Variants in REEP5 observed in about 807,000 individuals in gnomAD.
REEP5 encodes receptor expression-enhancing protein 5.
Under a neutral mutation model 22.4 loss-of-function variants are expected in REEP5, and 24 were observed. The ratio of observed to expected loss-of-function variants is 1.07; its 90% confidence interval spans 0.78 to 1.51. The LOEUF (loss-of-function observed/expected upper bound fraction) is 1.51, where lower values mean the gene tolerates loss of function less well. Among genes scored for constraint, REEP5 ranks in the 40% most tolerant of loss-of-function variants. REEP5 has a pLI of 0.00. For synonymous variants in REEP5, 103 were observed against 88.6 expected, an observed-to-expected ratio of 1.16 and a Z score of -0.92; for missense variants, 252 against 233.0, an observed-to-expected ratio of 1.08 and a Z score of -0.53.
chr5:112,895,037 G>C (rs1768636040), intron 3 of REEP5: 1 of 151,384 alleles, frequency 6.6e-6, no homozygotes, highest in African/African-American at 2.4e-5. Flanking sequence ...AGGAGTTCGA[G>C]ACCATCCTGG....
In REEP5 at chr5:112,902,861, C is replaced by T. The variant is rs114708147; in HGVS notation, c.213-343G>A. ...TCCACTCCCAAGCTGGGTCCTGCCACGAGGGATATATCAGGAAGAATTCTC... is the reference window on the plus strand; with the variant it reads ...TCCACTCCCAAGCTGGGTCCTGCCATGAGGGATATATCAGGAAGAATTCTC... On this transcript the variant is annotated intron_variant, in intron 2 of 4. Transcript: ENST00000379638. Among the ~76,000 whole-genome samples, 483 of 152,246 alleles carry T rather than the reference C, an allele frequency of 3.2e-3. 9 individuals carry two copies. Among genetic ancestry groups the T allele is most frequent in the African/African-American group, 0.011 (442 of 41,548 alleles).
intron 2 of REEP5, among the ~76,000 whole-genome samples, chr5:112,908,864 ATTT>A (rs397974052): frequency 7.0e-6 from 1 of 142,274 alleles, no homozygotes; most frequent in Admixed American, 7.0e-5. Context: ...CCAGCTAATG[ATTT>A]TTTTTTTTTT....
Position 112,919,189 on chromosome 5 carries a change from A to G in REEP5, c.212+1974T>C, listed in dbSNP as rs139655600. Among the ~76,000 whole-genome samples the G allele has an allele frequency of 2.0e-5, 3 of 152,308 alleles. No homozygotes were observed. The East Asian group carries it at 5.8e-4, about 29-fold the overall frequency. On this transcript the variant is annotated intron_variant, in intron 2 of 4. Transcript: ENST00000379638. ...TGAATGTTGTGTTCCCCCAACATCC[A>G]TATGTTGGGACCTAATACCCAATGT...
chr5:112,911,784 A>G (rs1033397531), intron 2 of REEP5, among the ~76,000 whole-genome samples: 1 of 152,246 alleles, frequency 6.6e-6, no homozygotes, highest in Non-Finnish European at 1.5e-5. Flanking sequence ...AGTACAGAAG[A>G]AAACCACTAG....
Position 112,876,552 on chromosome 5 carries a change from T to A in REEP5, c.*2234A>T, listed in dbSNP as rs1425306098. 6.6e-6 allele frequency: 1 copy of A among 152,198 alleles called. No homozygotes were observed. The highest frequency in any genetic ancestry group is 2.4e-5 in the African/African-American group (1 of 41,458). 9.4% of individuals were successfully genotyped at this position (152,198 alleles called of 1,614,324 possible). A position where few individuals can be genotyped will look rare whatever the true frequency, so the allele number is the denominator to read the frequency against. Reference sequence around the variant, plus strand: ...GATCCAAATGATTGAAGCCTTCAGGTAAGGGAATAACTGCTGCAGGAATTC... The same window carrying A: ...GATCCAAATGATTGAAGCCTTCAGGAAAGGGAATAACTGCTGCAGGAATTC... On this transcript the variant is annotated 3_prime_UTR_variant, in exon 5 of 5. Coordinates refer to ENST00000379638, the MANE Select transcript of REEP5 (RefSeq NM_005669.5).
At chr5:112,909,589 C>G (rs1206011000) in intron 2 of REEP5, among the ~76,000 whole-genome samples, 3 of 152,084 alleles carry the variant, frequency 2.0e-5, no homozygotes, top group African/African-American at 7.2e-5. Context: ...GAAATTTGAA[C>G]ATTGCTGAAA....
chr5:112,903,977 A>C (rs2150044667), intron 2 of REEP5, among the ~76,000 whole-genome samples: 1 of 152,274 alleles, frequency 6.6e-6, no homozygotes, highest in African/African-American at 2.4e-5. Context: ...TACTACAGGT[A>C]CACACCACCA....
chr5:112,914,272 CAG>C (rs1431158612), intron 2 of REEP5, among the ~76,000 whole-genome samples: 1 of 150,614 alleles, frequency 6.6e-6, no homozygotes, highest in South Asian at 2.1e-4. Context: ...TTTTTTGAGA[CAG>C]GGTCTCACTC....
At chr5:112,894,190 G>C (rs1203796804) in intron 3 of REEP5, 2 of 150,264 alleles carry the variant, frequency 1.3e-5, no homozygotes, top group Non-Finnish European at 2.9e-5. Context: ...GGCGTGATCA[G>C]CTCACTGCAA....
At chr5:112,907,307 C>T (rs548181942) in intron 2 of REEP5, among the ~76,000 whole-genome samples, 32 of 152,188 alleles carry the variant, frequency 2.1e-4, no homozygotes, top group Non-Finnish European at 3.8e-4. Context: ...TCAGAACTAA[C>T]ACACCCACAT....
intron 3 of REEP5, chr5:112,893,426 G>A (rs1768567967): frequency 5.6e-6 from 1 of 178,048 alleles, no homozygotes; most frequent in Non-Finnish European, 1.2e-5. Flanking sequence ...TAGAATTTTT[G>A]GACTAGTGGA....
At chr5:112,902,247 C>T in intron 3 of REEP5, 133 bp downstream of exon 3, 2 of 951,160 alleles carry the variant, frequency 2.1e-6, no homozygotes, top group South Asian at 2.5e-5. Context: ...CAGAGTCTCG[C>T]TCTGTTGCCC....
intron 2 of REEP5, among the ~76,000 whole-genome samples, chr5:112,912,236 C>G (rs10447234): frequency 0.066 from 10,072 of 152,172 alleles, 397 homozygotes; most frequent in South Asian, 0.14. Context: ...CTACTCACAC[C>G]TAAGACACAT....
intron 2 of REEP5, among the ~76,000 whole-genome samples, chr5:112,910,970 C>T (rs1296059358): frequency 6.6e-6 from 1 of 152,188 alleles, no homozygotes; most frequent in Non-Finnish European, 1.5e-5. Context: ...TTGCTAGATA[C>T]TGACTTTCTT....
Position 112,887,146 on chromosome 5 carries a change from G to A in REEP5, c.389C>T (p.Ser130Phe), listed in dbSNP as rs1176964852. Reference protein sequence around the residue: ...FLLWCMAPSPSNGAELLYKRI... With the variant: ...FLLWCMAPSPFNGAELLYKRI... Reference sequence around the variant, plus strand: ...CTTGTAGAGCAGTTCAGCCCCATTAGAAGGGCTCGGGGCCATGCACCACAA... The same window carrying A: ...CTTGTAGAGCAGTTCAGCCCCATTAAAAGGGCTCGGGGCCATGCACCACAA... The change falls in exon 4 of 5, where the codon TCT (serine) becomes TTT (phenylalanine). Residue 130 changes from serine to phenylalanine, a missense_variant. Physicochemically the swap from Ser to Phe is radical, Grantham distance 155. Transcript: ENST00000379638. 1.9e-6 allele frequency: 3 copies of A among 1,611,470 alleles called. No homozygotes were observed. Among genetic ancestry groups the A allele is most frequent in the Non-Finnish European group, 2.5e-6 (3 of 1,178,804 alleles).
chr5:112,884,906 T>C (rs1768195081), intron 4 of REEP5, among the ~76,000 whole-genome samples: 1 of 152,128 alleles, frequency 6.6e-6, no homozygotes, highest in Non-Finnish European at 1.5e-5. Flanking sequence ...AGGAGTATGG[T>C]CTCTTCGGTA....
At chr5:112,914,749 A>G (rs1373829133) in intron 2 of REEP5, among the ~76,000 whole-genome samples, 2 of 152,110 alleles carry the variant, frequency 1.3e-5, no homozygotes, top group Non-Finnish European at 2.9e-5. Flanking sequence ...CAGTCTAGAC[A>G]AGTGAGCGAT....
intron 4 of REEP5, among the ~76,000 whole-genome samples, chr5:112,886,506 A>G (rs1441203146): frequency 2.6e-5 from 4 of 152,196 alleles, no homozygotes; most frequent in Non-Finnish European, 5.9e-5. Flanking sequence ...CTGCAAGTGG[A>G]GAGAACACAT....
intron 4 of REEP5, among the ~76,000 whole-genome samples, chr5:112,879,413 T>C (rs1190667367): frequency 6.6e-6 from 1 of 152,126 alleles, no homozygotes; most frequent in Non-Finnish European, 1.5e-5. Flanking sequence ...CTCAAGCCCT[T>C]AAATAGAATG....
Sources: gnomAD v4.1 joint callset for allele counts (sites outside exome capture counted in the v4.1 genomes callset) on GRCh38, gnomAD v4.1.1 for gene constraint, MANE v1.5 for transcripts, NCBI Gene and HGNC (gene_info 2026-07-23, HGNC 2026-07-21) for gene names.